NCOR2: variants seen among roughly 807,000 people sequenced by gnomAD.
The protein encoded by NCOR2 is nuclear receptor corepressor 2.
In NCOR2, 81 loss-of-function variants were observed where a neutral mutation model predicts 262.9. The ratio of observed to expected loss-of-function variants is 0.31; its 90% CI spans 0.26 to 0.37. The LOEUF is 0.37. NCOR2 is among the 10% of genes least tolerant of loss of function. The pLI is 1.00. For missense variants in NCOR2, 3,385 were observed against 3,621.4 expected (o/e 0.93, Z 1.68); for synonymous variants, 1,659 against 1,559.3 (o/e 1.06, Z -1.51).
chr12:124,349,838 G>A (rs930626225), intron 28 of NCOR2, among the ~76,000 whole-genome samples: 1 of 152,078 alleles, frequency 6.6e-6, no homozygotes, highest in African/African-American at 2.4e-5. Context: ...CTCGGTCCAG[G>A]GGCACCAGGG....
At chr12:124,372,402 T>C (rs759195519) in exon 20 of NCOR2, 5 of 1,166,062 alleles carry the variant, frequency 4.3e-6, no homozygotes, top group Non-Finnish European at 5.3e-6. Flanking sequence ...GGGGTGCTGG[T>C]GGGGGCGTAG....
intron 14 of NCOR2, among the ~76,000 whole-genome samples, chr12:124,401,283 T>G (rs2342920): frequency 4.6e-5 from 7 of 151,794 alleles, no homozygotes; most frequent in East Asian, 3.9e-4. Flanking sequence ...AATAAGGCCA[T>G]GTGGACAGGT....
rs760483078 is a variant in NCOR2 at position 124,473,140 on chromosome 12, G to GA, written c.412-10dup. On this transcript the variant is annotated splice_polypyrimidine_tract_variant and intron_variant, in intron 3 of 46. Transcript: ENST00000405201. ...CCCGTCAGGCTACGGTCCTGTGGCAGAAAAAAAACGGGCATGGGGTCAGCA... is the reference window on the plus strand; with the variant it reads ...CCCGTCAGGCTACGGTCCTGTGGCAGAAAAAAAAACGGGCATGGGGTCAGCA... 8.1e-6 allele frequency: 13 copies of GA among 1,612,156 alleles called. No individual in the cohort carries two copies. The highest frequency in any genetic ancestry group is 5.5e-5 in the South Asian group (5 of 90,996).
chr12:124,411,440 G>A (rs1024273056), intron 13 of NCOR2, among the ~76,000 whole-genome samples: 22 of 152,172 alleles, frequency 1.4e-4, no homozygotes, highest in South Asian at 4.1e-4. Flanking sequence ...GACCCAGGCC[G>A]GATGACTGGA....
At chr12:124,391,679 T>C (rs1318603151) in intron 16 of NCOR2, among the ~76,000 whole-genome samples, 2 of 152,274 alleles carry the variant, frequency 1.3e-5, no homozygotes, top group South Asian at 2.1e-4. Context: ...CTCCATCTAC[T>C]CTTTCAAAAA....
intron 31 of NCOR2, among the ~76,000 whole-genome samples, chr12:124,346,071 T>C (rs917335743): frequency 3.3e-5 from 5 of 152,102 alleles, no homozygotes; most frequent in African/African-American, 1.2e-4. Context: ...ACATCTGAAT[T>C]TGGGTTTCAC....
intron 6 of NCOR2, among the ~76,000 whole-genome samples, chr12:124,456,640 A>G (rs1344807915): frequency 6.6e-6 from 1 of 152,226 alleles, no homozygotes; most frequent in Non-Finnish European, 1.5e-5. Context: ...AGGTGCTGTT[A>G]GGATTCCCAT....
intron 15 of NCOR2, among the ~76,000 whole-genome samples, chr12:124,398,627 C>G (rs1439658822): frequency 6.6e-6 from 1 of 152,214 alleles, no homozygotes; most frequent in African/African-American, 2.4e-5. Flanking sequence ...GACCGAGGAC[C>G]CTCTCGGAGC....
intron 1 of NCOR2, among the ~76,000 whole-genome samples, chr12:124,522,010 G>A (rs1478528520): frequency 1.3e-5 from 2 of 152,026 alleles, no homozygotes; most frequent in Non-Finnish European, 2.9e-5. Context: ...GAGCAAGGCC[G>A]CATCTCAAAT....
intron 5 of NCOR2, among the ~76,000 whole-genome samples, chr12:124,459,288 C>A (rs2046041019): frequency 1.3e-5 from 2 of 152,132 alleles, no homozygotes; most frequent in South Asian, 4.1e-4. Context: ...ACCTAGAGAG[C>A]AAGGAAGACC....
rs947286680 is a variant in NCOR2, at chr12:124,457,772, G to A, written c.706-610C>T. ...ACATGTGGCGCAGGGCTCGGTGGCC[G>A]CTCCATCAATAGGCTGGACCTCCGG... On this transcript the variant is annotated intron_variant, in intron 5 of 46. Coordinates refer to ENST00000405201, the Ensembl canonical transcript of NCOR2. This position sits in a 1 kb window ranked among gnomAD's most constrained non-coding sequence, Gnocchi z 4.0. Among the ~76,000 whole-genome samples the A allele has an allele frequency of 2.0e-5, 3 of 152,200 alleles. No homozygotes were observed. The highest frequency in any genetic ancestry group is 1.9e-4 in the East Asian group (1 of 5,194).
intron 7 of NCOR2, among the ~76,000 whole-genome samples, chr12:124,441,132 C>T (rs2044778418): frequency 6.6e-6 from 1 of 152,184 alleles, no homozygotes; most frequent in Non-Finnish European, 1.5e-5. Context: ...AGCACAGCAG[C>T]ACCCATATCT....
intron 1 of NCOR2, among the ~76,000 whole-genome samples, chr12:124,545,368 CT>C (rs1413052453): frequency 3.3e-5 from 5 of 152,250 alleles, no homozygotes; most frequent in Non-Finnish European, 7.3e-5. Context: ...AAGGCAGCCC[CT>C]GACCCAGATC....
At chr12:124,466,238 C>G (rs746271002) in exon 5 of NCOR2, 7 of 1,610,036 alleles carry the variant, frequency 4.3e-6, no homozygotes, top group Middle Eastern at 1.7e-4. Flanking sequence ...GGCGGTGACA[C>G]GGGCTTCTCA....
intron 3 of NCOR2, among the ~76,000 whole-genome samples, chr12:124,476,969 T>C (rs2047135666): frequency 6.8e-6 from 1 of 148,038 alleles, no homozygotes; most frequent in Non-Finnish European, 1.5e-5. Flanking sequence ...CCCGAGAATA[T>C]GATGCTGAGT....
chr12:124,385,797 T>A (rs759082684), exon 17 of NCOR2: 1 of 1,613,892 alleles, frequency 6.2e-7, no homozygotes, highest in African/African-American at 1.3e-5. Flanking sequence ...CCTCTTCTTG[T>A]AGTTGAAGTA....
intron 13 of NCOR2, among the ~76,000 whole-genome samples, chr12:124,404,383 C>T (rs566007856): frequency 6.6e-6 from 1 of 152,230 alleles, no homozygotes; most frequent in African/African-American, 2.4e-5. Context: ...CATTCAGCTA[C>T]GTCTGTGCCA....
chr12:124,347,034 T>C (rs778488868), intron 30 of NCOR2, among the ~76,000 whole-genome samples, 184 bp from the exon 33 acceptor site: 1 of 152,204 alleles, frequency 6.6e-6, no homozygotes, highest in African/African-American at 2.4e-5. Flanking sequence ...GAATATTAAC[T>C]GAACCACCTC....
exon 47 of NCOR2, chr12:124,325,384 C>CCCG (rs1555297260): frequency 8.6e-5 from 42 of 486,602 alleles, no homozygotes; most frequent in Non-Finnish European, 1.0e-4. Flanking sequence ...ACCGCCCCCC[C>CCCG]CCCCGCCCTG....
Sources: gnomAD v4.1 joint callset for allele counts (sites outside exome capture counted in the v4.1 genomes callset) on GRCh38, gnomAD v4.1.1 for gene constraint, Gnocchi (gnomAD v3.1) non-coding constraint, MANE v1.5 for transcripts, NCBI Gene and HGNC (gene_info 2026-07-23, HGNC 2026-07-21) for gene names.